Variants in DAB1 observed in about 807,000 individuals in gnomAD.
DAB1 encodes the protein disabled homolog 1.
A neutral mutation model predicts 64.6 loss-of-function variants in DAB1; 15 were observed. The observed-to-expected ratio is 0.23, with a 90% confidence interval of 0.16 to 0.36. DAB1 has a LOEUF of 0.36. Among genes scored for constraint, DAB1 ranks in the 10% least tolerant of loss-of-function variants. The probability of loss-of-function intolerance (pLI) is 1.00; values close to 1 mark genes in which losing one functional copy is unlikely to be tolerated. For missense variants in DAB1, 596 were observed against 706.7 expected, an observed-to-expected ratio of 0.84 and a Z score of 1.78; for synonymous variants, 235 against 251.9, an observed-to-expected ratio of 0.93 and a Z score of 0.64.
chr1:58,473,984 A>C, intron 3 of DAB1: 1 of 1,253,818 alleles, frequency 8.0e-7, no homozygotes, highest in Non-Finnish European at 1.1e-6. Context: ...ACATGCACGT[A>C]AATATCACTT....
rs578073368 is a variant in DAB1 at position 58,458,768 on chromosome 1, T to C, written n.257+47292A>G. ...GCAGTGAACTGAGATTGAGCTGAGA[T>C]TGTGCCACTGTACTCCAGCCTGGGT... On this transcript the variant is annotated intron_variant and non_coding_transcript_variant, in intron 3 of 20. Transcript: ENST00000485760. 5.3e-5 allele frequency among the ~76,000 whole-genome samples: 8 copies of C among 152,136 alleles called. No individual in the cohort carries two copies. The East Asian group carries it at 1.5e-3, about 29-fold the overall frequency.
At chr1:58,103,036 T>C (rs1370288982) in intron 5 of DAB1, among the ~76,000 whole-genome samples, 1 of 152,136 alleles carries the variant, frequency 6.6e-6, no homozygotes, top group Non-Finnish European at 1.5e-5. Context: ...TCTGGACCCC[T>C]GCCTACTATA....
At chr1:57,387,170 G>A (rs1188121472) in intron 1 of DAB1, 1 of 152,158 alleles carries the variant, frequency 6.6e-6, no homozygotes, top group East Asian at 1.9e-4. Context: ...GCCTCTCCAA[G>A]CCTCAGTTTC....
At chr1:57,376,504 A>G (rs1680907469) in intron 1 of DAB1, among the ~76,000 whole-genome samples, 1 of 152,234 alleles carries the variant, frequency 6.6e-6, no homozygotes, top group South Asian at 2.1e-4. Context: ...TGACTGTTTT[A>G]TTCACTTTTG....
intron 4 of DAB1, among the ~76,000 whole-genome samples, chr1:58,302,453 A>C (rs528535189): frequency 6.6e-6 from 1 of 152,242 alleles, no homozygotes; most frequent in South Asian, 2.1e-4. Flanking sequence ...CTGACCCAGA[A>C]AACTGCTCAT....
chr1:57,066,345 C>T (rs903279689), intron 8 of DAB1, among the ~76,000 whole-genome samples: 1 of 152,128 alleles, frequency 6.6e-6, no homozygotes, highest in Non-Finnish European at 1.5e-5. Flanking sequence ...AGCTGTTTTT[C>T]CTATGTCACC....
At chr1:57,218,584 AC>A (rs1666619656) in intron 2 of DAB1, among the ~76,000 whole-genome samples, 1 of 150,720 alleles carries the variant, frequency 6.6e-6, no homozygotes, top group African/African-American at 2.4e-5. Context: ...TGCAGCAGCT[AC>A]TCAGAAAGCT....
intron 4 of DAB1, among the ~76,000 whole-genome samples, chr1:58,151,623 C>A (rs567745369): frequency 2.6e-5 from 4 of 152,240 alleles, no homozygotes; most frequent in Admixed American, 2.0e-4. Flanking sequence ...CAGTGGCTGC[C>A]CTGTGTCTGC....
At chr1:57,899,994 C>G (rs961189045) in intron 5 of DAB1, among the ~76,000 whole-genome samples, 1 of 151,206 alleles carries the variant, frequency 6.6e-6, no homozygotes, top group African/African-American at 2.4e-5. Context: ...GGCTGGAGTA[C>G]AGTGGGTGAT....
chr1:58,133,464 T>C (rs867790394), intron 5 of DAB1, among the ~76,000 whole-genome samples: 5 of 152,220 alleles, frequency 3.3e-5, no homozygotes, highest in African/African-American at 4.8e-5. Flanking sequence ...TAGGGTCTTA[T>C]AGTCATTTGC....
In DAB1 at chr1:57,644,733, C is replaced by T. The variant is rs578239432; in HGVS notation, n.625+4859G>A. On this transcript the variant is annotated intron_variant and non_coding_transcript_variant, in intron 7 of 20. Transcript: ENST00000485760. ...TATTTACTAGAGAGATTTGGCCTTACGCAATTGTGGGTGCTGGTTAAGCAG... is the reference window on the plus strand; with the variant it reads ...TATTTACTAGAGAGATTTGGCCTTATGCAATTGTGGGTGCTGGTTAAGCAG... 8.6e-4 allele frequency among the ~76,000 whole-genome samples: 131 copies of T among 151,972 alleles called. 1 individual carries two copies. Among genetic ancestry groups the T allele is most frequent in the African/African-American group, 1.3e-3 (53 of 41,462 alleles).
At chr1:57,935,726 A>AAAC (rs142373036) in intron 5 of DAB1, among the ~76,000 whole-genome samples, 12,247 of 151,934 alleles carry the variant, frequency 0.081, 648 homozygotes, top group Middle Eastern at 0.2. Flanking sequence ...AAATAAAAAC[A>AAAC]AACAACAACA....
At chr1:57,504,605 A>T (rs1644323904) in intron 7 of DAB1, among the ~76,000 whole-genome samples, 1 of 152,230 alleles carries the variant, frequency 6.6e-6, no homozygotes, top group Non-Finnish European at 1.5e-5. Context: ...GAAGAATTTC[A>T]AATAATTTAT....
At chr1:57,489,500 C>T (rs1192166638) in intron 7 of DAB1, among the ~76,000 whole-genome samples, 1 of 152,190 alleles carries the variant, frequency 6.6e-6, no homozygotes, top group Non-Finnish European at 1.5e-5. Flanking sequence ...CCCTAACCCT[C>T]CAGGCTGACT....
chr1:57,431,674 C>T (rs1685521728), intron 7 of DAB1, among the ~76,000 whole-genome samples: 1 of 152,216 alleles, frequency 6.6e-6, no homozygotes, highest in Admixed American at 6.5e-5. Flanking sequence ...CCAATCTGCT[C>T]TCTTTAGCTA....
intron 4 of DAB1, among the ~76,000 whole-genome samples, chr1:57,106,789 G>A (rs1435447391): frequency 6.6e-6 from 1 of 152,130 alleles, no homozygotes; most frequent in Non-Finnish European, 1.5e-5. Flanking sequence ...TTGATGGAAA[G>A]TAAGATAAAT....
At chr1:58,398,425 G>A (rs1414253122) in intron 3 of DAB1, among the ~76,000 whole-genome samples, 1 of 152,216 alleles carries the variant, frequency 6.6e-6, no homozygotes, top group Non-Finnish European at 1.5e-5. Context: ...AGAGACGGAA[G>A]GGAGGCTCCA....
chr1:57,812,282 A>G (rs1651659686), intron 6 of DAB1, among the ~76,000 whole-genome samples: 1 of 150,416 alleles, frequency 6.6e-6, no homozygotes, highest in South Asian at 2.1e-4. Flanking sequence ...CCAGCCACCC[A>G]AGTCCCTGAA....
At chr1:58,205,288 A>C (rs189758078) in intron 4 of DAB1, among the ~76,000 whole-genome samples, 39 of 152,266 alleles carry the variant, frequency 2.6e-4, no homozygotes, top group Admixed American at 1.8e-3. Flanking sequence ...GTACTATTCT[A>C]TTCTGCAAAG....
Sources: gnomAD v4.1 joint callset for allele counts (sites outside exome capture counted in the v4.1 genomes callset) on GRCh38, gnomAD v4.1.1 for gene constraint, MANE v1.5 for transcripts, NCBI Gene and HGNC (gene_info 2026-07-23, HGNC 2026-07-21) for gene names.